Variants in RAB37 observed in about 807,000 individuals in gnomAD.
RAB37 encodes the protein ras-related protein Rab-37.
Under a neutral mutation model 33.1 loss-of-function variants are expected in RAB37, and 29 were observed. The ratio of observed to expected loss-of-function variants is 0.88; its 90% CI spans 0.65 to 1.20. RAB37 has a LOEUF of 1.20. RAB37 is among the 50% of genes most tolerant of loss of function. The pLI, the probability that RAB37 is intolerant of heterozygous loss-of-function variation, is 0.00. For missense variants in RAB37, 299 were observed against 301.1 expected, an observed-to-expected ratio of 0.99 and a Z score of 0.05; for synonymous variants, 128 against 119.5, an observed-to-expected ratio of 1.07 and a Z score of -0.47.
chr17:74,708,331 T>G (rs1419862932), intron 1 of RAB37, among the ~76,000 whole-genome samples: 2 of 152,216 alleles, frequency 1.3e-5, no homozygotes, highest in East Asian at 3.9e-4. Flanking sequence ...AATGGAAATA[T>G]TTACCAAACA....
chr17:74,683,712 C>A (rs1323098432), intron 1 of RAB37, among the ~76,000 whole-genome samples: 1 of 152,194 alleles, frequency 6.6e-6, no homozygotes, highest in Non-Finnish European at 1.5e-5. Context: ...TTGAGCTATT[C>A]CCTGGGGCAC....
At chr17:74,720,434 C>A (rs114151829) in intron 1 of RAB37, among the ~76,000 whole-genome samples, 14 of 151,442 alleles carry the variant, frequency 9.2e-5, no homozygotes, top group Admixed American at 4.6e-4. Context: ...AAAAAAAAAA[C>A]CCAAAATTTG....
In RAB37 at chr17:74,671,352, G is replaced by T; in HGVS notation, c.-235G>T. On this transcript the variant is annotated 5_prime_UTR_variant, in exon 1 of 8. Coordinates refer to the RAB37 transcript ENST00000340415. The surrounding 1 kb of genome is among the most constrained non-coding windows in gnomAD (Gnocchi z 5.0). ...AGAACTCTGGTCCCGGGCGCACAAC[G>T]GCGGAGTCGCTGTTCCTGGTGCTGA... 1.8e-6 allele frequency: 1 copy of T among 540,736 alleles called. No individual in the cohort carries two copies. Among genetic ancestry groups the T allele is most frequent in the Non-Finnish European group, 3.3e-6 (1 of 301,456 alleles). 33.5% of individuals were successfully genotyped at this position (540,736 alleles called of 1,614,324 possible).
rs1415301158 is a variant in RAB37 at position 74,702,832 on chromosome 17, G to A, written c.73-26424G>A. Among the ~76,000 whole-genome samples the A allele has an allele frequency of 2.0e-5, 3 of 152,202 alleles. No individual in the cohort carries two copies. In the East Asian group the frequency reaches 5.8e-4, roughly 29 times the overall value. ...AATGAATGAACCTACAAACAGCACT[G>A]AGCTGCAGAATGAAGGATCTGTGGA... On this transcript the variant is annotated intron_variant, in intron 1 of 7. Coordinates refer to the RAB37 transcript ENST00000340415.
chr17:74,689,844 C>G (rs1346695986), intron 1 of RAB37, among the ~76,000 whole-genome samples: 1 of 55,626 alleles, frequency 1.8e-5, no homozygotes, highest in Admixed American at 1.4e-4. Context: ...GTTGCCAACT[C>G]AGTAGTTTTT....
rs1283315763 is a variant in RAB37, at chr17:74,729,142, T to C, written c.73-114T>C. Reference sequence around the variant, plus strand: ...GTGTGTGTGTTTCTGTGTGTGTGTGTGCATGTTGTGCACATGCGTGCTTAG... The same window carrying C: ...GTGTGTGTGTTTCTGTGTGTGTGTGCGCATGTTGTGCACATGCGTGCTTAG... On this transcript the variant is annotated intron_variant, in intron 1 of 7. Transcript: ENST00000340415. This position sits in a 1 kb window ranked among gnomAD's most constrained non-coding sequence, Gnocchi z 4.2. 2 of 731,046 alleles carry C rather than the reference T, an allele frequency of 2.7e-6. No individual in the cohort carries two copies. Among genetic ancestry groups the C allele is most frequent in the Non-Finnish European group, 5.1e-6 (2 of 391,740 alleles). 45.3% of individuals were successfully genotyped at this position (731,046 alleles called of 1,614,324 possible).
At chr17:74,683,406 C>A (rs965030681) in intron 1 of RAB37, among the ~76,000 whole-genome samples, 1 of 152,186 alleles carries the variant, frequency 6.6e-6, no homozygotes, top group African/African-American at 2.4e-5. Flanking sequence ...GCTATGGAGA[C>A]GCCTGAATTT....
chr17:74,740,690 C>T, intron 1 of RAB37, 78 bp from the exon 2 acceptor site: 1 of 1,018,690 alleles, frequency 9.8e-7, no homozygotes, highest in Non-Finnish European at 1.5e-6. Flanking sequence ...TTCTCTGATC[C>T]TCTCCATGTG....
intron 1 of RAB37, among the ~76,000 whole-genome samples, chr17:74,721,432 AC>A (rs1373055990): frequency 1.2e-4 from 17 of 143,880 alleles, no homozygotes; most frequent in Non-Finnish European, 2.1e-4. Flanking sequence ...ATCTTGGTTT[AC>A]TTTTTTTTTT....
intron 1 of RAB37, among the ~76,000 whole-genome samples, chr17:74,712,306 C>G (rs778999007): frequency 6.6e-6 from 1 of 152,200 alleles, no homozygotes; most frequent in Non-Finnish European, 1.5e-5. Context: ...CCCTGCCAGT[C>G]TTATCTCCTC....
intron 1 of RAB37, among the ~76,000 whole-genome samples, chr17:74,728,131 T>C (rs1406321486): frequency 6.6e-6 from 1 of 151,840 alleles, no homozygotes; most frequent in African/African-American, 2.4e-5. Context: ...TCTTTGTATA[T>C]GTTTCTGTGT....
Position 74,676,501 on chromosome 17 carries a change from C to G in RAB37, c.72+4843C>G, listed in dbSNP as rs1430198694. 6.6e-6 allele frequency among the ~76,000 whole-genome samples: 1 copy of G among 152,198 alleles called. No individual in the cohort carries two copies. Among genetic ancestry groups the G allele is most frequent in the Non-Finnish European group, 1.5e-5 (1 of 68,038 alleles). ...AAAGGAAAAGGCAAGCAGGTAATAT[C>G]TGCCACTCTCCCCCATCTCCTGCAC... On this transcript the variant is annotated intron_variant, in intron 1 of 7. Transcript: ENST00000340415. This position sits in a 1 kb window ranked among gnomAD's most constrained non-coding sequence, Gnocchi z 4.1.
intron 1 of RAB37, among the ~76,000 whole-genome samples, chr17:74,690,792 T>C (rs1234282734): frequency 6.6e-6 from 1 of 152,240 alleles, no homozygotes. Context: ...TGGAATTGAC[T>C]GGACTGGCTC....
Position 74,741,457 on chromosome 17 carries a change from G to A in RAB37, c.204+579G>A, listed in dbSNP as rs545465637. On this transcript the variant is annotated intron_variant, in intron 2 of 8. Coordinates refer to ENST00000392613, the MANE Select transcript of RAB37 (RefSeq NM_001006638.3). ...AAAAATTAGCCAGGTGTAGTGGCAC[G>A]CTCCTGCAGTCCCAGCTACTCGGGA... 5.9e-5 allele frequency among the ~76,000 whole-genome samples: 9 copies of A among 152,264 alleles called. 1 individual carries two copies. In the East Asian group the frequency reaches 9.7e-4, roughly 16 times the overall value.
chr17:74,671,701 G>C lies in RAB37; in HGVS notation c.72+43G>C, dbSNP rs1485177389. Reference sequence around the variant, plus strand: ...TCCTCAACCTAACGTTGGAAGAGGCGCCAGCACCAGGAGTTTTCTCCACTC... The same window carrying C: ...TCCTCAACCTAACGTTGGAAGAGGCCCCAGCACCAGGAGTTTTCTCCACTC... On this transcript the variant is annotated intron_variant, in intron 1 of 7. Transcript: ENST00000340415. This position sits in a 1 kb window ranked among gnomAD's most constrained non-coding sequence, Gnocchi z 5.0. The C allele has an allele frequency of 1.3e-6, 2 of 1,575,464 alleles. No individual in the cohort carries two copies. The highest frequency in any genetic ancestry group is 1.7e-6 in the Non-Finnish European group (2 of 1,145,224).
Position 74,685,246 on chromosome 17 carries a change from G to A in RAB37, c.72+13588G>A, listed in dbSNP as rs146848227. Among the ~76,000 whole-genome samples the A allele has an allele frequency of 9.2e-5, 14 of 152,144 alleles. No individual in the cohort carries two copies. In the East Asian group the frequency reaches 2.7e-3, roughly 29 times the overall value. ...GTCACCCAGGCTAGAGTGCAGTGGC[G>A]CGATCTCGGCTCACTGCAACCTCTG... On this transcript the variant is annotated intron_variant, in intron 1 of 7. Transcript: ENST00000340415.
Position 74,737,380 on chromosome 17 carries a change from TC to T in RAB37, c.93+17del. 1 of 1,550,328 alleles carries T rather than the reference TC, an allele frequency of 6.5e-7. No individual in the cohort carries two copies. The highest frequency in any genetic ancestry group is 8.7e-7 in the Non-Finnish European group (1 of 1,153,498). The stretch of plus-strand genomic sequence containing the variant: ...TCACGGGCAAGGTGGGTGGGCCTCT[TC>T]CGTGAGACCCCCGCCCTCCTCGGCG... On this transcript the variant is annotated intron_variant, in intron 1 of 8. Coordinates refer to ENST00000392613, the MANE Select transcript of RAB37 (RefSeq NM_001006638.3).
chr17:74,686,566 T>C (rs1324941963), intron 1 of RAB37, among the ~76,000 whole-genome samples: 1 of 151,268 alleles, frequency 6.6e-6, no homozygotes, highest in East Asian at 1.9e-4. Context: ...AGTTTTTGTA[T>C]TTTTTTTAGT....
intron 1 of RAB37, among the ~76,000 whole-genome samples, chr17:74,716,562 G>A (rs574074231): frequency 1.6e-4 from 24 of 152,188 alleles, no homozygotes; most frequent in Non-Finnish European, 3.5e-4. Flanking sequence ...AAGGTGATGC[G>A]TTTCTCATTT....
Sources: allele counts gnomAD v4.1 joint callset (sites outside exome capture counted in the v4.1 genomes callset), GRCh38; gene constraint gnomAD v4.1.1; non-coding constraint Gnocchi (gnomAD v3.1); transcripts MANE v1.5; gene names NCBI Gene and HGNC (gene_info 2026-07-23, HGNC 2026-07-21).